TRAF5: variants seen among roughly 807,000 people sequenced by gnomAD.
TRAF5 encodes TNF receptor associated factor 5.
In TRAF5, 48 loss-of-function variants were observed where a neutral mutation model predicts 64.5. The observed-to-expected ratio is 0.74, with a 90% CI of 0.59 to 0.95. The LOEUF (loss-of-function observed/expected upper bound fraction) is 0.95. TRAF5 is among the 40% of genes least tolerant of loss of function. The probability of loss-of-function intolerance (pLI) is 0.00; values close to 1 mark genes in which losing one functional copy is unlikely to be tolerated. For synonymous variants in TRAF5, 206 were observed against 240.5 expected (o/e 0.86, Z 1.33); for missense variants, 545 against 662.8 (o/e 0.82, Z 1.95).
intron 7 of TRAF5, among the ~76,000 whole-genome samples, chr1:211,361,625 C>T (rs1703182376): frequency 1.3e-5 from 2 of 151,124 alleles, no homozygotes; most frequent in South Asian, 2.1e-4. Flanking sequence ...TTGTTTTGAG[C>T]AAACAATTGG....
Position 211,372,540 on chromosome 1 carries a change from T to C in TRAF5, c.1512T>C (p.Asn504=), listed in dbSNP as rs1346310286. The C allele has an allele frequency of 6.2e-7, 1 of 1,614,206 alleles. No homozygotes were observed. The highest frequency in any genetic ancestry group is 8.5e-7 in the Non-Finnish European group (1 of 1,180,028). Reference sequence around the variant, plus strand: ...TGGAGACCTTCAAACCTGACCCCAATAGCAGCAGCTTTAAAAGACCTGATG... The same window carrying C: ...TGGAGACCTTCAAACCTGACCCCAACAGCAGCAGCTTTAAAAGACCTGATG... ...NIMETFKPDP[N]SSSFKRPDGE... The change falls in exon 11 of 11, where the codon AAT becomes AAC. Residue 504 remains asparagine, a synonymous_variant. Transcript: ENST00000261464.
chr1:211,342,693 C>G (rs1023453234), intron 1 of TRAF5, among the ~76,000 whole-genome samples: 1 of 152,222 alleles, frequency 6.6e-6, no homozygotes, highest in Non-Finnish European at 1.5e-5. Context: ...TCCTTCTACT[C>G]TCTGTCTCCA....
intron 1 of TRAF5, among the ~76,000 whole-genome samples, chr1:211,330,212 C>T (rs1702121572): frequency 6.6e-6 from 1 of 152,050 alleles, no homozygotes; most frequent in African/African-American, 2.4e-5. Flanking sequence ...ATGTGCAGGT[C>T]TTAGAGACCC....
rs777571110 is a variant in TRAF5 at position 211,371,314 on chromosome 1, C to A, written c.943C>A (p.His315Asn). ...TTTGTAATGAAAGGTTTTTGCCAGTCACATTGACAAGTCAGCTTGGCTAGA... is the reference window on the plus strand; with the variant it reads ...TTTGTAATGAAAGGTTTTTGCCAGTAACATTGACAAGTCAGCTTGGCTAGA... ...FLPNIQVFAS[H>N]IDKSAWLEAQ... The change falls in exon 10 of 11, where the codon CAC becomes AAC. Residue 315 changes from histidine to asparagine, a missense_variant. Physicochemically the swap from His to Asn is moderately conservative, Grantham distance 68. Transcript: ENST00000261464. 1.3e-6 allele frequency: 2 copies of A among 1,584,066 alleles called. No homozygotes were observed. Among genetic ancestry groups the A allele is most frequent in the South Asian group, 1.2e-5 (1 of 84,750 alleles).
At chr1:211,367,187 T>C (rs1168791472) in intron 8 of TRAF5, among the ~76,000 whole-genome samples, 1 of 152,194 alleles carries the variant, frequency 6.6e-6, no homozygotes, top group African/African-American at 2.4e-5. Context: ...TTTTGCCATG[T>C]TGTCCAGGCT....
intron 1 of TRAF5, among the ~76,000 whole-genome samples, chr1:211,341,596 A>G (rs1702448886): frequency 6.6e-6 from 1 of 152,190 alleles, no homozygotes; most frequent in Middle Eastern, 3.2e-3. Flanking sequence ...TAAAGGACAC[A>G]GGTCTGTGGG....
At chr1:211,342,521 G>T (rs1346341911) in intron 1 of TRAF5, among the ~76,000 whole-genome samples, 1 of 151,962 alleles carries the variant, frequency 6.6e-6, no homozygotes, top group Non-Finnish European at 1.5e-5. Flanking sequence ...ATTTTTAAAT[G>T]TACAATAAAT....
chr1:211,339,731 T>G (rs1702395794), intron 1 of TRAF5, among the ~76,000 whole-genome samples: 1 of 152,120 alleles, frequency 6.6e-6, no homozygotes, highest in Non-Finnish European at 1.5e-5. Context: ...GTGCCTGGGG[T>G]GTGTCTGGGG....
chr1:211,355,599 G>A (rs1702936485), intron 3 of TRAF5, among the ~76,000 whole-genome samples: 1 of 152,146 alleles, frequency 6.6e-6, no homozygotes, highest in African/African-American at 2.4e-5. Context: ...TTTAGTGTCT[G>A]TCTGACCTAC....
chr1:211,372,539 A>G lies in TRAF5; in HGVS notation c.1511A>G (p.Asn504Ser), dbSNP rs377398420. The G allele has an allele frequency of 1.2e-6, 2 of 1,614,240 alleles. No individual in the cohort carries two copies. Among genetic ancestry groups the G allele is most frequent in the Non-Finnish European group, 1.7e-6 (2 of 1,180,038 alleles). ...NIMETFKPDP[N>S]SSSFKRPDGE... ...ATGGAGACCTTCAAACCTGACCCCA[A>G]TAGCAGCAGCTTTAAAAGACCTGAT... The change falls in exon 11 of 11, where the codon AAT (asparagine) becomes AGT (serine). Residue 504 changes from asparagine (N) to serine (S), a missense_variant. Physicochemically the swap from Asn to Ser is conservative, Grantham distance 46. Coordinates refer to ENST00000261464, the MANE Select transcript of TRAF5 (RefSeq NM_001033910.3).
chr1:211,372,513 T>C lies in TRAF5; in HGVS notation c.1485T>C (p.Ile495=), dbSNP rs1400085980. 6.2e-7 allele frequency: 1 copy of C among 1,614,090 alleles called. No individual in the cohort carries two copies. Among genetic ancestry groups the C allele is most frequent in the Admixed American group, 1.7e-5 (1 of 60,004 alleles). ...TGGACCAGAGTGGCAAAAAGAACAT[T>C]ATGGAGACCTTCAAACCTGACCCCA... is the stretch of plus-strand genomic sequence containing the variant. ...MLLDQSGKKN[I]METFKPDPNS... The change falls in exon 11 of 11, where the codon ATT becomes ATC. Residue 495 remains isoleucine (I), a synonymous_variant. Transcript: ENST00000261464.
chr1:211,335,935 G>A (rs1702278557), intron 1 of TRAF5, among the ~76,000 whole-genome samples: 1 of 152,174 alleles, frequency 6.6e-6, no homozygotes, highest in Admixed American at 6.5e-5. Flanking sequence ...AGATTTGCAG[G>A]TGTGGTGGCA....
intron 2 of TRAF5, among the ~76,000 whole-genome samples, chr1:211,354,201 G>A (rs1354564892): frequency 6.6e-6 from 1 of 152,174 alleles, no homozygotes; most frequent in Non-Finnish European, 1.5e-5. Flanking sequence ...GCATCCCAGA[G>A]GTTGCATGAA....
chr1:211,329,789 A>G (rs910506004), intron 1 of TRAF5, among the ~76,000 whole-genome samples: 3 of 152,132 alleles, frequency 2.0e-5, no homozygotes, highest in Non-Finnish European at 2.9e-5. Context: ...AGGTGTAGCA[A>G]GTGAGTATCT....
intron 1 of TRAF5, among the ~76,000 whole-genome samples, chr1:211,333,176 TTTTTG>T (rs1005840337): frequency 9.9e-5 from 15 of 152,158 alleles, no homozygotes; most frequent in South Asian, 2.1e-4. Context: ...GCCCTTCTTT[TTTTTG>T]TTTTGTTTTG....
chr1:211,370,792 G>T (rs538748828), intron 9 of TRAF5, among the ~76,000 whole-genome samples: 5 of 152,266 alleles, frequency 3.3e-5, no homozygotes, highest in East Asian at 1.9e-4. Flanking sequence ...GAAAAGGGAG[G>T]AGTAGTTTTA....
intron 1 of TRAF5, among the ~76,000 whole-genome samples, chr1:211,328,471 G>A (rs1480629583): frequency 1.3e-5 from 2 of 152,338 alleles, no homozygotes; most frequent in African/African-American, 2.4e-5. Context: ...GGGCTGAGAG[G>A]CCTGTTGTGA....
In TRAF5 at chr1:211,354,326, C is replaced by T. The variant is rs1203483354; in HGVS notation, c.219-84C>T. On this transcript the variant is annotated intron_variant, in intron 2 of 10. Transcript: ENST00000261464. ...GGGACCAGCCTGCCCAGGGCTAGAG[C>T]ATGGCTGGAGCCCTGGGGCTGGTCT... 4 of 1,347,748 alleles carry T rather than the reference C, an allele frequency of 3.0e-6. No homozygotes were observed. In the Admixed American group the frequency reaches 7.2e-5, roughly 24 times the overall value. The allele number at this position is 1,347,748 out of a possible 1,614,324, so 83.5% of individuals were successfully genotyped here. A position where few individuals can be genotyped will look rare whatever the true frequency, so the allele number is the denominator to read the frequency against.
chr1:211,328,908 G>C (rs991938076), intron 1 of TRAF5, among the ~76,000 whole-genome samples: 1 of 152,186 alleles, frequency 6.6e-6, no homozygotes, highest in Non-Finnish European at 1.5e-5. Context: ...GCACTGAGGC[G>C]GTAAATAGCT....
Sources: gnomAD v4.1 joint callset for allele counts (sites outside exome capture counted in the v4.1 genomes callset) on GRCh38, gnomAD v4.1.1 for gene constraint, MANE v1.5 for transcripts, NCBI Gene and HGNC (gene_info 2026-07-23, HGNC 2026-07-21) for gene names.